CDH13: variants seen among roughly 807,000 people sequenced by gnomAD.
The protein encoded by CDH13 is cadherin-13.
In CDH13, 24 loss-of-function variants were observed where a neutral mutation model predicts 63.8. The ratio of observed to expected loss-of-function variants is 0.38; its 90% CI spans 0.27 to 0.53. The LOEUF is 0.53. CDH13 is among the 20% of genes least tolerant of loss of function. CDH13 has a pLI of 0.85. For synonymous variants in CDH13, 503 were observed against 355.3 expected (o/e 1.42, Z -4.67); for missense variants, 1,049 against 903.1 (o/e 1.16, Z -2.07).
At chr16:82,794,515 T>A (rs1441950510) in intron 1 of CDH13, among the ~76,000 whole-genome samples, 1 of 151,828 alleles carries the variant, frequency 6.6e-6, no homozygotes, top group Non-Finnish European at 1.5e-5. Flanking sequence ...GAATAGCTGA[T>A]AAATAACATA....
intron 9 of CDH13, among the ~76,000 whole-genome samples, chr16:83,675,839 T>C (rs776414895): frequency 1.3e-5 from 2 of 152,168 alleles, no homozygotes; most frequent in South Asian, 2.1e-4. Flanking sequence ...ATCAAAATAA[T>C]AGATAATTGT....
Position 83,556,999 on chromosome 16 carries a change from C to T in CDH13, c.961-45455C>T, listed in dbSNP as rs2075616806. On this transcript the variant is annotated intron_variant, in intron 7 of 13. Transcript: ENST00000567109. ...CCCCCAGGCCTGTAGGAACCAGGCCCCACAGCAGGAGAGGTGAGCAGTGGG... is the reference window on the plus strand; with the variant it reads ...CCCCCAGGCCTGTAGGAACCAGGCCTCACAGCAGGAGAGGTGAGCAGTGGG... 2.0e-5 allele frequency among the ~76,000 whole-genome samples: 3 copies of T among 152,198 alleles called. No individual in the cohort carries two copies. In the South Asian group the frequency reaches 6.2e-4, roughly 32 times the overall value.
At chr16:82,997,050 A>ATAG (rs371045320) in intron 2 of CDH13, among the ~76,000 whole-genome samples, 15,154 of 148,988 alleles carry the variant, frequency 0.1, 837 homozygotes, top group African/African-American at 0.16. Flanking sequence ...GATGATGATG[A>ATAG]TGATAGTGAT....
chr16:82,651,239 A>G (rs757292464), intron 1 of CDH13, among the ~76,000 whole-genome samples: 17 of 152,244 alleles, frequency 1.1e-4, no homozygotes, highest in Non-Finnish European at 1.9e-4. Context: ...CTGTCTACAT[A>G]TCAGGCACCC....
chr16:83,254,729 A>G lies in CDH13; in HGVS notation c.636+37232A>G, dbSNP rs533503368. Among the ~76,000 whole-genome samples the G allele has an allele frequency of 4.6e-5, 7 of 152,218 alleles. No individual in the cohort carries two copies. The East Asian group carries it at 5.8e-4, about 13-fold the overall frequency. On this transcript the variant is annotated intron_variant, in intron 5 of 13. Transcript: ENST00000567109. Reference sequence around the variant, plus strand: ...TGAATCTGTTCAATAATTCTCCAGGATTTTGCTTAGCTTTACTGTGCTGCT... The same window carrying G: ...TGAATCTGTTCAATAATTCTCCAGGGTTTTGCTTAGCTTTACTGTGCTGCT...
At chr16:83,140,361 A>T (rs187454355) in intron 4 of CDH13, among the ~76,000 whole-genome samples, 2 of 152,220 alleles carry the variant, frequency 1.3e-5, no homozygotes, top group South Asian at 4.1e-4. Context: ...GACCATTGCT[A>T]TGGCCAACAC....
chr16:82,662,157 C>T lies in CDH13; in HGVS notation c.45+35020C>T, dbSNP rs1423756222. 3.3e-5 allele frequency among the ~76,000 whole-genome samples: 5 copies of T among 151,152 alleles called. No homozygotes were observed. The East Asian group carries it at 9.6e-4, about 29-fold the overall frequency. ...AATGAAGTAAATGCAGATATTCTGG[C>T]ATAGAAAGGTCACCCTTGTGTATTG... On this transcript the variant is annotated intron_variant, in intron 1 of 13. Transcript: ENST00000567109.
intron 6 of CDH13, among the ~76,000 whole-genome samples, chr16:83,391,374 T>C (rs2151429562): frequency 6.6e-6 from 1 of 151,828 alleles, no homozygotes; most frequent in Non-Finnish European, 1.5e-5. Flanking sequence ...CCCAGCTAAT[T>C]TTTGTATTTT....
chr16:82,887,829 AAAAG>A (rs1213206631), intron 2 of CDH13, among the ~76,000 whole-genome samples: 2 of 152,094 alleles, frequency 1.3e-5, no homozygotes. Flanking sequence ...CTCAGAAAAA[AAAAG>A]AAAGGAGAAG....
At chr16:83,189,574 A>G (rs2038632640) in intron 4 of CDH13, among the ~76,000 whole-genome samples, 2 of 152,186 alleles carry the variant, frequency 1.3e-5, no homozygotes, top group African/African-American at 4.8e-5. Context: ...AGGAAATCCA[A>G]AGGTGCATCT....
At chr16:83,205,013 C>A (rs577745164) in intron 4 of CDH13, among the ~76,000 whole-genome samples, 1 of 152,212 alleles carries the variant, frequency 6.6e-6, no homozygotes, top group African/African-American at 2.4e-5. Flanking sequence ...CAAGGAAGAA[C>A]ACTGCTGTGT....
At chr16:83,665,528 T>C (rs1913866632) in intron 8 of CDH13, among the ~76,000 whole-genome samples, 1 of 152,328 alleles carries the variant, frequency 6.6e-6, no homozygotes, top group Admixed American at 6.5e-5. Context: ...TTTCTGATGG[T>C]CTCTCCCCTA....
At chr16:83,545,484 T>A (rs1025793230) in intron 7 of CDH13, among the ~76,000 whole-genome samples, 3 of 152,198 alleles carry the variant, frequency 2.0e-5, no homozygotes, top group African/African-American at 7.2e-5. Flanking sequence ...TCTCATTGTC[T>A]GCACTGTCCA....
At chr16:83,465,528 A>G (rs1035420017) in intron 6 of CDH13, among the ~76,000 whole-genome samples, 1 of 152,204 alleles carries the variant, frequency 6.6e-6, no homozygotes, top group African/African-American at 2.4e-5. Flanking sequence ...AATTTTCACA[A>G]GGGCTAAAAT....
At chr16:82,680,612 T>C (rs963738588) in intron 1 of CDH13, among the ~76,000 whole-genome samples, 1 of 152,206 alleles carries the variant, frequency 6.6e-6, no homozygotes, top group African/African-American at 2.4e-5. Context: ...CAGTGATCAT[T>C]ATATTACTCC....
chr16:83,551,476 C>G (rs1374208860), intron 7 of CDH13, among the ~76,000 whole-genome samples: 1 of 152,202 alleles, frequency 6.6e-6, no homozygotes, highest in Non-Finnish European at 1.5e-5. Flanking sequence ...CAACCCACCT[C>G]CTAGTACCTT....
intron 5 of CDH13, among the ~76,000 whole-genome samples, chr16:83,269,467 C>G (rs1353863833): frequency 6.6e-6 from 1 of 152,112 alleles, no homozygotes; most frequent in Non-Finnish European, 1.5e-5. Flanking sequence ...TACAAAGATG[C>G]AGTCTGTTGG....
At chr16:83,427,406 C>T (rs2071945066) in intron 6 of CDH13, among the ~76,000 whole-genome samples, 1 of 151,956 alleles carries the variant, frequency 6.6e-6, no homozygotes, top group Admixed American at 6.6e-5. Flanking sequence ...CAGCCCTGAG[C>T]CAAGGAATGT....
At chr16:83,764,068 C>G (rs1914188955) in intron 11 of CDH13, among the ~76,000 whole-genome samples, 1 of 152,186 alleles carries the variant, frequency 6.6e-6, no homozygotes, top group Admixed American at 6.5e-5. Context: ...ATCATGAATG[C>G]ACAATTCCCA....
Sources: gnomAD v4.1 joint callset for allele counts (sites outside exome capture counted in the v4.1 genomes callset) on GRCh38, gnomAD v4.1.1 for gene constraint, MANE v1.5 for transcripts, NCBI Gene and HGNC (gene_info 2026-07-23, HGNC 2026-07-21) for gene names.